The following DLG2 variants were observed in gnomAD, a reference collection of about 807,000 sequenced individuals.
DLG2 encodes disks large homolog 2.
A neutral mutation model predicts 132.5 loss-of-function variants in DLG2; 45 were observed. The ratio of observed to expected loss-of-function variants is 0.34; its 90% CI spans 0.27 to 0.44. The LOEUF is 0.44. Ranked by LOEUF, DLG2 falls within the 20% of genes least tolerant of loss-of-function variation. DLG2 has a pLI of 1.00. For synonymous variants in DLG2, 424 were observed against 419.6 expected (o/e 1.01, Z -0.13); for missense variants, 1,045 against 1,196.9 (o/e 0.87, Z 1.87).
intron 3 of DLG2, among the ~76,000 whole-genome samples, chr11:85,309,408 C>G (rs112497511): frequency 1.5e-5 from 2 of 136,898 alleles, no homozygotes; most frequent in African/African-American, 5.4e-5. Flanking sequence ...GGACCACAGA[C>G]TCCATATAGG....
At chr11:83,597,062 G>A (rs1032718680) in intron 19 of DLG2, among the ~76,000 whole-genome samples, 5 of 152,174 alleles carry the variant, frequency 3.3e-5, no homozygotes, top group African/African-American at 1.2e-4. Context: ...AGTTTAGGGA[G>A]TCAGAATAAC....
intron 18 of DLG2, among the ~76,000 whole-genome samples, chr11:83,699,774 T>C (rs1324413677): frequency 6.6e-6 from 1 of 151,032 alleles, no homozygotes; most frequent in Non-Finnish European, 1.5e-5. Context: ...ATAGTGTTTA[T>C]AGAATGCTCC....
In DLG2 at chr11:84,705,735, T is replaced by C. The variant is rs111474402; in HGVS notation, c.358-171004A>G. ...CAAATACCTCATTTTCCCTCTGCTG[T>C]CATGAAGTGGAGTTCAGTAGAAATT... On this transcript the variant is annotated intron_variant, in intron 6 of 27. Coordinates refer to ENST00000376104, the MANE Select transcript of DLG2 (RefSeq NM_001142699.3). Among the ~76,000 whole-genome samples, 37 of 151,892 alleles carry C rather than the reference T, an allele frequency of 2.4e-4. 1 individual carries two copies. Among genetic ancestry groups the C allele is most frequent in the African/African-American group, 8.7e-4 (36 of 41,502 alleles).
intron 7 of DLG2, among the ~76,000 whole-genome samples, chr11:84,349,481 T>A (rs17508388): frequency 0.38 from 57,939 of 151,790 alleles, 15,647 homozygotes; most frequent in African/African-American, 0.77. Context: ...ATTAGTAAAA[T>A]ATCACTGCTT....
At chr11:84,571,330 CTCTT>C (rs2099483858) in intron 6 of DLG2, among the ~76,000 whole-genome samples, 1 of 151,638 alleles carries the variant, frequency 6.6e-6, no homozygotes, top group South Asian at 2.1e-4. Flanking sequence ...CCTTTCACTT[CTCTT>C]TCTTTTCTTT....
At chr11:84,406,200 C>T (rs1032099371) in intron 7 of DLG2, among the ~76,000 whole-genome samples, 1 of 152,134 alleles carries the variant, frequency 6.6e-6, no homozygotes, top group South Asian at 2.1e-4. Flanking sequence ...TATGCCCATT[C>T]CTTAACTTCA....
chr11:84,249,408 A>G (rs2097343337), intron 8 of DLG2, among the ~76,000 whole-genome samples: 1 of 152,212 alleles, frequency 6.6e-6, no homozygotes, highest in Admixed American at 6.5e-5. Context: ...AAAGAAACAC[A>G]GGTAACAGCA....
At chr11:84,330,938 G>T (rs2098455649) in intron 7 of DLG2, among the ~76,000 whole-genome samples, 1 of 152,206 alleles carries the variant, frequency 6.6e-6, no homozygotes, top group South Asian at 2.1e-4. Context: ...TTTGGTGTCA[G>T]CACAAAATTT....
rs1168586508 is a variant in DLG2, at chr11:85,587,864, T to C, written c.40+10793A>G. Among the ~76,000 whole-genome samples the C allele has an allele frequency of 2.0e-5, 3 of 152,214 alleles. No individual in the cohort carries two copies. In the East Asian group the frequency reaches 5.8e-4, roughly 29 times the overall value. ...TTTGTTTCAGGATTTAGATCTCGTT[T>C]TAGCATTTCTTGTGGTGCTGACTTG... On this transcript the variant is annotated intron_variant, in intron 3 of 27. Coordinates refer to ENST00000376104, the MANE Select transcript of DLG2 (RefSeq NM_001142699.3).
intron 7 of DLG2, among the ~76,000 whole-genome samples, chr11:84,321,434 C>T (rs4944481): frequency 6.6e-6 from 1 of 152,030 alleles, no homozygotes; most frequent in East Asian, 1.9e-4. Context: ...CTCATTGATA[C>T]TATAATCTTT....
At chr11:84,396,925 G>A (rs1000614417) in intron 7 of DLG2, among the ~76,000 whole-genome samples, 6 of 152,128 alleles carry the variant, frequency 3.9e-5, no homozygotes, top group African/African-American at 1.4e-4. Context: ...GGGACCCAAA[G>A]GTCCTAAATT....
intron 6 of DLG2, among the ~76,000 whole-genome samples, chr11:85,083,627 G>A (rs1207841060): frequency 6.6e-6 from 1 of 152,038 alleles, no homozygotes; most frequent in Non-Finnish European, 1.5e-5. Context: ...TTCGGCAGGG[G>A]GGCTTCTAGG....
chr11:84,784,927 A>C (rs2072599761), intron 6 of DLG2, among the ~76,000 whole-genome samples: 1 of 152,158 alleles, frequency 6.6e-6, no homozygotes, highest in Non-Finnish European at 1.5e-5. Context: ...TTTTGAAAAA[A>C]GCCAAGAGAG....
chr11:84,161,658 T>C (rs140338658), intron 9 of DLG2, among the ~76,000 whole-genome samples: 194 of 152,244 alleles, frequency 1.3e-3, no homozygotes, highest in Non-Finnish European at 1.5e-3. Context: ...GGCAACTAAA[T>C]AGTGTTCTAT....
chr11:83,961,325 T>C lies in DLG2; in HGVS notation c.1340+1560A>G, dbSNP rs115533513. On this transcript the variant is annotated intron_variant, in intron 14 of 27. Coordinates refer to ENST00000376104, the MANE Select transcript of DLG2 (RefSeq NM_001142699.3). ...AGTTGTTTTTAGAGCTCATCAAAACTCTGAGGTCCCTTTCTAGCCACATAT... is the reference window on the plus strand; with the variant it reads ...AGTTGTTTTTAGAGCTCATCAAAACCCTGAGGTCCCTTTCTAGCCACATAT... Among the ~76,000 whole-genome samples the C allele has an allele frequency of 2.3e-3, 357 of 152,146 alleles. 2 individuals are homozygous for C. Among genetic ancestry groups the C allele is most frequent in the African/African-American group, 8.5e-3 (351 of 41,536 alleles).
intron 7 of DLG2, among the ~76,000 whole-genome samples, chr11:84,322,885 C>G (rs1210512141): frequency 6.6e-6 from 1 of 152,096 alleles, no homozygotes; most frequent in East Asian, 1.9e-4. Flanking sequence ...CCACCACGCC[C>G]AGCCGATAAT....
chr11:84,805,206 G>C (rs1324212976), intron 6 of DLG2, among the ~76,000 whole-genome samples: 1 of 152,080 alleles, frequency 6.6e-6, no homozygotes, highest in Non-Finnish European at 1.5e-5. Context: ...CTTCCACTCA[G>C]CAGTATTGAG....
In DLG2 at chr11:84,220,948, C is replaced by T. The variant is rs138514950; in HGVS notation, c.573+30290G>A. ...GGTGCATGGTGCATGCCACCATGCCCAGCTGATGTTTTTTTTTTTTTTTAC... is the reference window on the plus strand; with the variant it reads ...GGTGCATGGTGCATGCCACCATGCCTAGCTGATGTTTTTTTTTTTTTTTAC... On this transcript the variant is annotated intron_variant, in intron 8 of 27. Transcript: ENST00000376104. Among the ~76,000 whole-genome samples the T allele has an allele frequency of 2.8e-4, 41 of 147,588 alleles. 1 individual carries two copies. The South Asian group carries it at 4.1e-3, about 15-fold the overall frequency.
At chr11:85,160,489 T>C (rs2077942523) in intron 4 of DLG2, among the ~76,000 whole-genome samples, 1 of 152,212 alleles carries the variant, frequency 6.6e-6, no homozygotes, top group Non-Finnish European at 1.5e-5. Context: ...TATTGGGCTT[T>C]AGTGGAAACT....
Sources: gnomAD v4.1 joint callset for allele counts (sites outside exome capture counted in the v4.1 genomes callset) on GRCh38, gnomAD v4.1.1 for gene constraint, MANE v1.5 for transcripts, NCBI Gene and HGNC (gene_info 2026-07-23, HGNC 2026-07-21) for gene names.